The following COL4A3 variants were observed in gnomAD, a reference collection of about 807,000 sequenced individuals.
COL4A3 encodes collagen alpha-3(IV) chain.
COL4A3 carries 135 observed loss-of-function variants against 217.4 expected under a neutral mutation model. The ratio of observed to expected loss-of-function variants is 0.62; its 90% CI spans 0.54 to 0.72. COL4A3 has a LOEUF of 0.72. Among genes scored for constraint, COL4A3 ranks in the 30% least tolerant of loss-of-function variants. The probability of loss-of-function intolerance (pLI) is 0.00; values close to 1 mark genes in which losing one functional copy is unlikely to be tolerated. For missense variants in COL4A3, 1,868 were observed against 2,119.9 expected (o/e 0.88, Z 2.33); for synonymous variants, 690 against 736.3 (o/e 0.94, Z 1.02).
intron 18 of COL4A3, 119 bp from the exon 19 acceptor site, chr2:227,259,672 TGA>T: frequency 1.3e-6 from 1 of 750,182 alleles, no homozygotes; most frequent in Non-Finnish European, 2.4e-6. Context: ...TGTAAACCTA[TGA>T]ATTCAGGAAA....
intron 34 of COL4A3, among the ~76,000 whole-genome samples, chr2:227,285,476 C>G (rs1050561927): frequency 6.6e-6 from 1 of 151,252 alleles, no homozygotes; most frequent in African/African-American, 2.4e-5. Context: ...GAAAGTAATG[C>G]GACTTTTATA....
At chr2:227,240,104 C>A in intron 2 of COL4A3, 39 bp from the exon 3 acceptor site, 1 of 1,496,352 alleles carries the variant, frequency 6.7e-7, no homozygotes, top group Non-Finnish European at 9.2e-7. Flanking sequence ...GGGATAGTTG[C>A]TGCTCTGTGT....
chr2:227,298,737 C>G lies in COL4A3; in HGVS notation c.3807C>G (p.Asp1269Glu). The change falls in exon 43 of 52, where the codon GAC (aspartate) becomes GAG (glutamate). Residue 1269 changes from aspartate (D) to glutamate (E), a missense_variant. By Grantham distance (45) the Asp-to-Glu change is conservative. Around this residue, in one of 2 missense-constraint regions of COL4A3, gnomAD observed 1,503 missense variants for 1,786.1 expected, o/e 0.84. Transcript: ENST00000396578. ...GTCATGTAATAGGCATAAAAGGAGA[C>G]AAAGGGTCTATGGGCCACCCTGGCC... ...PGSHVIGIKG[D>E]KGSMGHPGPK... 6.2e-7 allele frequency: 1 copy of G among 1,614,000 alleles called. No homozygotes were observed. Among genetic ancestry groups the G allele is most frequent in the South Asian group, 1.1e-5 (1 of 91,082 alleles).
chr2:227,283,837 A>G lies in COL4A3; in HGVS notation c.2727A>G (p.Pro909=), dbSNP rs774810018. ...AIGPPGPPGN[P]GTPGQRGSPG... is the part of the protein sequence containing the mutation. ...GCCCTCCAGGGCCCCCTGGGAACCCAGGCACACCAGGGCAGAGGGGTAAGT... is the reference window on the plus strand; with the variant it reads ...GCCCTCCAGGGCCCCCTGGGAACCCGGGCACACCAGGGCAGAGGGGTAAGT... Residue 909 remains proline (P), a synonymous_variant, in exon 33 of 52, where the codon CCA becomes CCG. Coordinates refer to ENST00000396578, the MANE Select transcript of COL4A3 (RefSeq NM_000091.5). 3.1e-6 allele frequency: 5 copies of G among 1,613,798 alleles called. No homozygotes were observed. The South Asian group carries it at 5.5e-5, about 18-fold the overall frequency.
rs150137923 is a variant in COL4A3, at chr2:227,269,494, T to A, written c.1505-416T>A. On this transcript the variant is annotated intron_variant, in intron 23 of 51. Transcript: ENST00000396578. ...TGTATACTATAAATCCAAAATAGTG[T>A]GTCTACGAGTCCTATGCACTTATGG... Among the ~76,000 whole-genome samples, 12 of 152,304 alleles carry A rather than the reference T, an allele frequency of 7.9e-5. No homozygotes were observed. In the East Asian group the frequency reaches 2.3e-3, roughly 29 times the overall value.
At chr2:227,276,351 A>G (rs1442057065) in intron 26 of COL4A3, 34 bp from the exon 27 acceptor site, 1 of 1,459,700 alleles carries the variant, frequency 6.9e-7, no homozygotes, top group Admixed American at 1.7e-5. Context: ...GCTTCAATAT[A>G]TACCCCAATC....
chr2:227,194,929 A>C (rs1323242705), intron 1 of COL4A3, among the ~76,000 whole-genome samples: 1 of 152,186 alleles, frequency 6.6e-6, no homozygotes, highest in African/African-American at 2.4e-5. Context: ...TGAATTTGAA[A>C]ACATGAATGA....
chr2:227,218,068 CTATATATATAGCTATATATATA>C (rs1316520786), intron 1 of COL4A3, among the ~76,000 whole-genome samples: 2 of 67,692 alleles, frequency 3.0e-5, no homozygotes, highest in East Asian at 3.8e-4. Context: ...TATAAAATAA[CTATATATATAGCTATATATATA>C]TATATATATA....
Position 227,280,772 on chromosome 2 carries a change from A to G in COL4A3, c.2375-121A>G, listed in dbSNP as rs143541195. The G allele has an allele frequency of 2.8e-3, 2,770 of 989,510 alleles. 5 individuals are homozygous for G. Among genetic ancestry groups the G allele is most frequent in the Non-Finnish European group, 3.5e-3 (2,195 of 631,948 alleles). The allele number at this position is 989,510 out of a possible 1,614,324, so 61.3% of individuals were successfully genotyped here. A position where few individuals can be genotyped will look rare whatever the true frequency, so the allele number is the denominator to read the frequency against. On this transcript the variant is annotated intron_variant, in intron 30 of 51. Transcript: ENST00000396578. ...GAGTGCCCTCTAGAAAAGGCATATT[A>G]ATGGCAGTAAATATAGATCTGATTT...
chr2:227,199,028 C>T (rs1246612988), intron 1 of COL4A3, among the ~76,000 whole-genome samples: 2 of 152,002 alleles, frequency 1.3e-5, no homozygotes, highest in East Asian at 1.9e-4. Context: ...GGGCAAGGGA[C>T]GTGGGACTTA....
chr2:227,212,622 T>C (rs140493961), intron 1 of COL4A3, among the ~76,000 whole-genome samples: 2 of 152,342 alleles, frequency 1.3e-5, no homozygotes, highest in African/African-American at 4.8e-5. Flanking sequence ...CATTTGTCCA[T>C]CTGTACACCA....
chr2:227,207,664 C>T (rs985324307), intron 1 of COL4A3, among the ~76,000 whole-genome samples: 18 of 152,152 alleles, frequency 1.2e-4, no homozygotes, highest in Non-Finnish European at 1.2e-4. Context: ...CCTTATCTAC[C>T]GGGCATTGGA....
intron 24 of COL4A3, 56 bp downstream of exon 24, chr2:227,270,036 G>A: frequency 6.9e-7 from 1 of 1,457,466 alleles, no homozygotes; most frequent in Non-Finnish European, 9.6e-7. Context: ...GCACACTCTA[G>A]AAATATGGTT....
chr2:227,222,406 C>T (rs531059162), intron 1 of COL4A3: 2 of 152,128 alleles, frequency 1.3e-5, no homozygotes, highest in South Asian at 2.1e-4. Flanking sequence ...CAGAGAGTGT[C>T]CTATTATCAT....
intron 19 of COL4A3, 35 bp from the exon 20 acceptor site, chr2:227,261,047 T>C (rs532184038): frequency 3.8e-6 from 6 of 1,582,068 alleles, no homozygotes; most frequent in Non-Finnish European, 5.2e-6. Context: ...CATTTATATC[T>C]TTCTAAGCAA....
chr2:227,166,294 A>C (rs1162841403), intron 1 of COL4A3, among the ~76,000 whole-genome samples: 3 of 152,244 alleles, frequency 2.0e-5, no homozygotes, highest in Non-Finnish European at 4.4e-5. Flanking sequence ...AAATGCTACT[A>C]GGCATGATAG....
chr2:227,190,667 G>A (rs180826288), intron 1 of COL4A3, among the ~76,000 whole-genome samples: 1 of 152,166 alleles, frequency 6.6e-6, no homozygotes, highest in Non-Finnish European at 1.5e-5. Context: ...GCACTTTGGG[G>A]AGGCCAAGGC....
At chr2:227,196,552 C>T (rs1033542175) in intron 1 of COL4A3, among the ~76,000 whole-genome samples, 35 of 151,930 alleles carry the variant, frequency 2.3e-4, no homozygotes, top group African/African-American at 7.3e-4. Context: ...CTCCTGACCT[C>T]GTGATCCGCC....
intron 3 of COL4A3, among the ~76,000 whole-genome samples, chr2:227,242,445 T>C (rs1377342377): frequency 6.6e-6 from 1 of 152,182 alleles, no homozygotes; most frequent in Non-Finnish European, 1.5e-5. Flanking sequence ...TCAGGGATTC[T>C]TATGGAGGTG....
Sources: allele counts gnomAD v4.1 joint callset (sites outside exome capture counted in the v4.1 genomes callset), GRCh38; gene constraint gnomAD v4.1.1; regional missense constraint gnomAD v4.1.1; transcripts MANE v1.5; gene names NCBI Gene and HGNC (gene_info 2026-07-23, HGNC 2026-07-21).